Variants in NLGN1 observed in about 807,000 individuals in gnomAD.
NLGN1 encodes neuroligin 1, also known as neuroligin-1.
In NLGN1, 12 loss-of-function variants were observed where a neutral mutation model predicts 65.5. That is an observed-to-expected ratio of 0.18 (90% CI 0.12 to 0.30). The LOEUF (loss-of-function observed/expected upper bound fraction) is 0.30. Among genes scored for constraint, NLGN1 ranks in the 10% least tolerant of loss-of-function variants. NLGN1 has a pLI of 1.00. For synonymous variants in NLGN1, 350 were observed against 359.5 expected (o/e 0.97, Z 0.30); for missense variants, 750 against 1,007.1 (o/e 0.74, Z 3.46).
chr3:173,566,657 T>A (rs925026082), intron 2 of NLGN1, among the ~76,000 whole-genome samples: 1 of 152,154 alleles, frequency 6.6e-6, no homozygotes, highest in African/African-American at 2.4e-5. Flanking sequence ...AACAATTAAA[T>A]GTTTCCTTAA....
chr3:173,892,304 ATC>A (rs939869618), intron 4 of NLGN1, among the ~76,000 whole-genome samples: 1 of 151,676 alleles, frequency 6.6e-6, no homozygotes, highest in African/African-American at 2.4e-5. Context: ...AGATCCTGCC[ATC>A]TCTGTTCTCT....
At chr3:173,626,318 A>C (rs546625809) in intron 3 of NLGN1, among the ~76,000 whole-genome samples, 1 of 152,234 alleles carries the variant, frequency 6.6e-6, no homozygotes, top group South Asian at 2.1e-4. Flanking sequence ...GGATTTTCAA[A>C]TATGAGTAAA....
At chr3:173,631,689 A>G (rs1016469236) in intron 3 of NLGN1, among the ~76,000 whole-genome samples, 12 of 152,178 alleles carry the variant, frequency 7.9e-5, no homozygotes, top group Non-Finnish European at 1.2e-4. Context: ...CAACAAAGTC[A>G]AATTTACTCT....
At chr3:173,480,945 A>C (rs1365871596) in intron 2 of NLGN1, among the ~76,000 whole-genome samples, 2 of 152,158 alleles carry the variant, frequency 1.3e-5, no homozygotes, top group South Asian at 2.1e-4. Context: ...CAAACCCTTA[A>C]ATTGCATTTA....
chr3:174,037,648 G>C (rs1398788900), intron 4 of NLGN1, among the ~76,000 whole-genome samples: 2 of 152,208 alleles, frequency 1.3e-5, no homozygotes, highest in Non-Finnish European at 2.9e-5. Context: ...ATTAGCTAAG[G>C]CTGATAGTTA....
At chr3:173,688,557 T>C (rs1012459529) in intron 3 of NLGN1, among the ~76,000 whole-genome samples, 9 of 152,200 alleles carry the variant, frequency 5.9e-5, no homozygotes, top group African/African-American at 2.2e-4. Context: ...GAGAGAGCCC[T>C]GTTACTGTCT....
At chr3:173,732,584 CA>C (rs1385866266) in intron 3 of NLGN1, among the ~76,000 whole-genome samples, 2 of 152,066 alleles carry the variant, frequency 1.3e-5, no homozygotes, top group Non-Finnish European at 2.9e-5. Context: ...TCAGTAGTTA[CA>C]GTGAAAATAG....
chr3:174,092,275 A>G (rs1316509487), intron 4 of NLGN1, among the ~76,000 whole-genome samples: 1 of 152,132 alleles, frequency 6.6e-6, no homozygotes, highest in Non-Finnish European at 1.5e-5. Context: ...GGGAAAGAAG[A>G]CATGTAGAGG....
intron 3 of NLGN1, among the ~76,000 whole-genome samples, chr3:173,642,941 T>TA: frequency 6.6e-6 from 1 of 152,226 alleles, no homozygotes; most frequent in Non-Finnish European, 1.5e-5. Flanking sequence ...AAGTCATAAC[T>TA]GTATTAAATA....
intron 4 of NLGN1, among the ~76,000 whole-genome samples, chr3:173,839,417 GTTTTGTTT>G (rs1326124600): frequency 1.3e-5 from 2 of 149,950 alleles, no homozygotes; most frequent in Non-Finnish European, 3.0e-5. Context: ...TTTTTTGTTT[GTTTTGTTT>G]TTTTGTTTTT....
chr3:173,952,114 C>G (rs113421115), intron 4 of NLGN1, among the ~76,000 whole-genome samples: 2 of 152,260 alleles, frequency 1.3e-5, no homozygotes, highest in African/African-American at 4.8e-5. Context: ...ACACTTTGTT[C>G]CATTCATCAG....
At chr3:173,933,046 A>G (rs1447751459) in intron 4 of NLGN1, among the ~76,000 whole-genome samples, 2 of 152,182 alleles carry the variant, frequency 1.3e-5, no homozygotes, top group African/African-American at 4.8e-5. Flanking sequence ...CTAAACAAGC[A>G]AACTCTGAGA....
chr3:173,518,030 C>T (rs187168111), intron 2 of NLGN1, among the ~76,000 whole-genome samples: 1 of 152,250 alleles, frequency 6.6e-6, no homozygotes, highest in Admixed American at 6.5e-5. Flanking sequence ...GAAATTAGAT[C>T]AAAGGGTGTA....
intron 3 of NLGN1, among the ~76,000 whole-genome samples, chr3:173,635,387 C>A (rs925234327): frequency 6.6e-6 from 1 of 152,072 alleles, no homozygotes; most frequent in Non-Finnish European, 1.5e-5. Context: ...CAAACAAATG[C>A]GAATTACTGT....
intron 4 of NLGN1, among the ~76,000 whole-genome samples, chr3:174,146,786 T>C (rs1449578960): frequency 6.6e-6 from 1 of 152,076 alleles, no homozygotes; most frequent in Non-Finnish European, 1.5e-5. Flanking sequence ...CAGGCTGGTC[T>C]CAAACTCCTG....
At chr3:173,470,764 T>C (rs1351611079) in intron 2 of NLGN1, among the ~76,000 whole-genome samples, 1 of 152,180 alleles carries the variant, frequency 6.6e-6, no homozygotes, top group African/African-American at 2.4e-5. Flanking sequence ...AGGTGTTTAT[T>C]TATCAATCTC....
chr3:173,481,909 G>C (rs1411092579), intron 2 of NLGN1, among the ~76,000 whole-genome samples: 1 of 151,608 alleles, frequency 6.6e-6, no homozygotes, highest in Admixed American at 6.6e-5. Flanking sequence ...ATATTTCATT[G>C]GTGCTTTAAT....
chr3:173,641,326 A>T (rs553035896), intron 3 of NLGN1, among the ~76,000 whole-genome samples: 5 of 152,082 alleles, frequency 3.3e-5, no homozygotes, highest in South Asian at 2.1e-4. Context: ...TATTATTATT[A>T]TTTTTTAGAT....
chr3:173,898,189 C>G (rs2152158439), intron 4 of NLGN1, among the ~76,000 whole-genome samples: 1 of 152,214 alleles, frequency 6.6e-6, no homozygotes, highest in South Asian at 2.1e-4. Flanking sequence ...TGAAGATGTG[C>G]TTTAAATTCA....
Sources: allele counts gnomAD v4.1 joint callset (sites outside exome capture counted in the v4.1 genomes callset), GRCh38; gene constraint gnomAD v4.1.1; transcripts MANE v1.5; gene names NCBI Gene and HGNC (gene_info 2026-07-23, HGNC 2026-07-21).